TPM4: variants seen among roughly 807,000 people sequenced by gnomAD.
TPM4 encodes tropomyosin 4.
In TPM4, 17 loss-of-function variants were observed where a neutral mutation model predicts 35.8. The observed-to-expected ratio is 0.47, with a 90% CI of 0.32 to 0.71. The LOEUF is 0.71. Ranked by LOEUF, TPM4 falls within the 30% of genes least tolerant of loss-of-function variation. TPM4 has a pLI of 0.03. For synonymous variants in TPM4, 120 were observed against 122.9 expected, an observed-to-expected ratio of 0.98 and a Z score of 0.15; for missense variants, 240 against 320.9, an observed-to-expected ratio of 0.75 and a Z score of 1.93.
At chr19:16,075,792 T>G (rs1047107584), upstream of TPM4, 49 of 411,564 alleles carry the variant, frequency 1.2e-4, no homozygotes, top group Middle Eastern at 1.3e-3. Context: ...CTGCCATTGA[T>G]CTCCCTAGAG....
In TPM4 at chr19:16,102,906, A is replaced by G. The variant is rs565273694; in HGVS notation, c.*1560A>G. 4.4e-6 allele frequency: 1 copy of G among 225,280 alleles called. No homozygotes were observed. The highest frequency in any genetic ancestry group is 6.4e-5 in the East Asian group (1 of 15,734). 14.0% of individuals were successfully genotyped at this position (225,280 alleles called of 1,614,324 possible). ...AGGAAATACACTAGCAAATTGTGCA[A>G]TGGAATAAAATCCACACTTTAGATT... On this transcript the variant is annotated 3_prime_UTR_variant, in exon 8 of 8. Transcript: ENST00000643579.
chr19:16,076,314 A>G, upstream of TPM4: 1 of 1,506,394 alleles, frequency 6.6e-7, no homozygotes, highest in Non-Finnish European at 8.8e-7. Flanking sequence ...ATAAGTCCCG[A>G]AAAGGGGCAC....
At position 16,070,743 on chromosome 19, in the gene TPM4, G is replaced by A. The variant is rs116984678; in HGVS notation, c.114+3005G>A. The stretch of plus-strand genomic sequence containing the variant: ...CTGCCCCGCCCTACTTCCCCTTTGG[G>A]CCTCCCCAGCCCCCCGTGCCCCAGG... On this transcript the variant is annotated intron_variant, in intron 2 of 2. Coordinates refer to the TPM4 transcript ENST00000589897. The surrounding 1 kb of genome is among the most constrained non-coding windows in gnomAD (Gnocchi z 7.4). 6.6e-6 allele frequency among the ~76,000 whole-genome samples: 1 copy of A among 152,044 alleles called. No homozygotes were observed. The highest frequency in any genetic ancestry group is 1.9e-4 in the East Asian group (1 of 5,146).
At chr19:16,080,093 T>G in intron 1 of TPM4, 1 of 193,972 alleles carries the variant, frequency 5.2e-6, no homozygotes, top group African/African-American at 2.3e-5. Flanking sequence ...TTCCTCTCGG[T>G]TGAGGCCCGT....
chr19:16,073,034 C>A (rs543110394), upstream of TPM4, among the ~76,000 whole-genome samples: 5 of 152,148 alleles, frequency 3.3e-5, no homozygotes, highest in South Asian at 1.0e-3. Flanking sequence ...TAGTCAAAAC[C>A]CCAAACCAAA....
chr19:16,074,156 CATACCCTCTTCAAGAAAAAAAAGAAGAGA>C (rs1218377322), upstream of TPM4: 3 of 152,044 alleles, frequency 2.0e-5, no homozygotes, highest in Non-Finnish European at 1.5e-5. Context: ...GCTTTTTTAA[CATACCCTCTTCAAGAAAAAAAAGAAGAGA>C]AGCAAGTCAG....
chr19:16,101,194 C>G, intron 7 of TPM4, 70 bp from the exon 8 acceptor site: 1 of 1,260,372 alleles, frequency 7.9e-7, no homozygotes, highest in African/African-American at 1.5e-5. Context: ...AAAAACAAAT[C>G]TTTTTTTTTC....
At chr19:16,096,282 T>C (rs1234726231) in intron 7 of TPM4, among the ~76,000 whole-genome samples, 3 of 152,102 alleles carry the variant, frequency 2.0e-5, no homozygotes, top group East Asian at 3.9e-4. Flanking sequence ...CCCAGGCTGG[T>C]CTTGAACTGC....
At chr19:16,076,866 T>G in intron 1 of TPM4, 169 bp downstream of exon 1, 1 of 1,221,144 alleles carries the variant, frequency 8.2e-7, no homozygotes, top group Non-Finnish European at 1.0e-6. Flanking sequence ...CAGGACCCCC[T>G]ACTTCCTCCG....
At chr19:16,076,003 A>C (rs1259074959), upstream of TPM4, 36 of 1,407,436 alleles carry the variant, frequency 2.6e-5, no homozygotes, top group African/African-American at 2.2e-4. Context: ...CGGGGACGTG[A>C]CCCCCCCCCC....
Position 16,067,724 on chromosome 19 carries a change from G to A in TPM4, c.100G>A (p.Asp34Asn), listed in dbSNP as rs1285605202. 2.5e-6 allele frequency: 4 copies of A among 1,612,770 alleles called. No homozygotes were observed. Among genetic ancestry groups the A allele is most frequent in the Admixed American group, 3.3e-5 (2 of 59,934 alleles). Residue 34 changes from aspartate to asparagine, a missense_variant, in exon 2 of 3, where the codon GAC becomes AAC. Asp to Asn is a conservative substitution (Grantham distance 23). Coordinates refer to the TPM4 transcript ENST00000589897. The surrounding 1 kb of genome is among the most constrained non-coding windows in gnomAD (Gnocchi z 4.1). ...GGAGGCGGATAAGAAAGCCGCTGAG[G>A]ACAAGTGCAAGCAGGTGAGGTGCCC...
At position 16,093,695 on chromosome 19, in the gene TPM4, T is replaced by A. The variant is rs748753988; in HGVS notation, c.606T>A (p.Arg202=). ...LSDKLKEAET[R]AEFAERTVAK... ...TTCTTCTTATCTAGGCTGAGACCCGTGCTGAATTTGCAGAGAGAACGGTTG... is the reference window on the plus strand; with the variant it reads ...TTCTTCTTATCTAGGCTGAGACCCGAGCTGAATTTGCAGAGAGAACGGTTG... The change falls in exon 7 of 8, where the codon CGT becomes CGA. Residue 202 remains arginine, a synonymous_variant. Transcript: ENST00000643579. 1.9e-6 allele frequency: 3 copies of A among 1,614,082 alleles called. No homozygotes were observed. Among genetic ancestry groups the A allele is most frequent in the Admixed American group, 3.3e-5 (2 of 59,988 alleles).
intron 5 of TPM4, among the ~76,000 whole-genome samples, chr19:16,091,948 C>T (rs1489477491): frequency 6.6e-6 from 1 of 151,852 alleles, no homozygotes; most frequent in African/African-American, 2.4e-5. Flanking sequence ...GGCGGATCAC[C>T]TGAGGTCAGG....
chr19:16,095,384 G>C (rs192242030), intron 7 of TPM4: 2 of 1,034,010 alleles, frequency 1.9e-6, no homozygotes, highest in East Asian at 1.2e-4. Flanking sequence ...CTTCTCACAT[G>C]GTGCCTCCTA....
chr19:16,093,185 T>G, intron 5 of TPM4: 3 of 187,618 alleles, frequency 1.6e-5, no homozygotes, highest in Non-Finnish European at 3.3e-5. Flanking sequence ...TTTTTTTTTG[T>G]TTTTGTTGTT....
chr19:16,089,497 T>C (rs2090599748), intron 5 of TPM4, among the ~76,000 whole-genome samples: 1 of 152,162 alleles, frequency 6.6e-6, no homozygotes, highest in Non-Finnish European at 1.5e-5. Context: ...GAATTGGGCT[T>C]TTTAGTTTGA....
At chr19:16,073,550 C>T (rs2090374813), upstream of TPM4, among the ~76,000 whole-genome samples, 2 of 152,164 alleles carry the variant, frequency 1.3e-5, no homozygotes. Context: ...GGCTTCCAGG[C>T]TCCCCACCCG....
rs2090349294 is a variant in TPM4, at chr19:16,070,767, G to A, written c.114+3029G>A. On this transcript the variant is annotated intron_variant, in intron 2 of 2. Coordinates refer to the TPM4 transcript ENST00000589897. This position sits in a 1 kb window ranked among gnomAD's most constrained non-coding sequence, Gnocchi z 7.4. ...GGCCTCCCCAGCCCCCCGTGCCCCA[G>A]GGCTGCCCTAAGAGTATGTGGCACA... 6.7e-6 allele frequency among the ~76,000 whole-genome samples: 1 copy of A among 149,204 alleles called. No homozygotes were observed. The highest frequency in any genetic ancestry group is 2.1e-4 in the South Asian group (1 of 4,752).
chr19:16,069,984 C>T lies in TPM4; in HGVS notation c.114+2246C>T, dbSNP rs985560458. Among the ~76,000 whole-genome samples the T allele has an allele frequency of 1.3e-4, 20 of 150,094 alleles. No homozygotes were observed. The South Asian group carries it at 2.5e-3, about 19-fold the overall frequency. On this transcript the variant is annotated intron_variant, in intron 2 of 2. Coordinates refer to the TPM4 transcript ENST00000589897. ...TGGGCACCTGCCCAGGAGAATGGCA[C>T]GGCATGTGTGTGTGTGTGTGTGGTG...
Sources: allele counts gnomAD v4.1 joint callset (sites outside exome capture counted in the v4.1 genomes callset), GRCh38; gene constraint gnomAD v4.1.1; non-coding constraint Gnocchi (gnomAD v3.1); transcripts MANE v1.5; gene names NCBI Gene and HGNC (gene_info 2026-07-23, HGNC 2026-07-21).